Variants in NRG3 observed in about 807,000 individuals in gnomAD.
The protein encoded by NRG3 is pro-neuregulin-3, membrane-bound isoform.
Under a neutral mutation model 66.9 loss-of-function variants are expected in NRG3, and 31 were observed. The ratio of observed to expected loss-of-function variants is 0.46; its 90% CI spans 0.35 to 0.63. The LOEUF (loss-of-function observed/expected upper bound fraction) is 0.63, where lower values mean the gene tolerates loss of function less well. Ranked by LOEUF, NRG3 falls within the 20% of genes least tolerant of loss-of-function variation. The probability of loss-of-function intolerance (pLI) is 0.00; values close to 1 mark genes in which losing one functional copy is unlikely to be tolerated. For synonymous variants in NRG3, 393 were observed against 359.4 expected (o/e 1.09, Z -1.06); for missense variants, 910 against 878.9 (o/e 1.04, Z -0.45).
chr10:82,199,770 C>T (rs528650272), intron 1 of NRG3, among the ~76,000 whole-genome samples: 1 of 152,088 alleles, frequency 6.6e-6, no homozygotes, highest in East Asian at 1.9e-4. Context: ...TTGGTGCCTA[C>T]AATATTAAGT....
rs369548561 is a variant in NRG3, at chr10:82,518,659, C to A, written c.953+159791C>A. 4.6e-5 allele frequency among the ~76,000 whole-genome samples: 7 copies of A among 152,146 alleles called. No homozygotes were observed. In the East Asian group the frequency reaches 7.7e-4, roughly 17 times the overall value. On this transcript the variant is annotated intron_variant, in intron 2 of 8. Transcript: ENST00000372141. ...GATATGTGAAGCAGTTAACATAACT[C>A]ATATTAACACTGGCTGGAGGTTTTA...
chr10:82,473,985 A>C (rs942542807), intron 2 of NRG3, among the ~76,000 whole-genome samples: 3 of 152,118 alleles, frequency 2.0e-5, no homozygotes, highest in Admixed American at 6.5e-5. Context: ...TTTAAAAACT[A>C]TCATGTATAT....
At chr10:82,309,019 G>T (rs1381944891) in intron 1 of NRG3, among the ~76,000 whole-genome samples, 1 of 152,104 alleles carries the variant, frequency 6.6e-6, no homozygotes, top group Admixed American at 6.6e-5. Context: ...ACTGAAATCA[G>T]GTATACTCAT....
intron 4 of NRG3, among the ~76,000 whole-genome samples, chr10:82,892,474 G>T (rs1843241907): frequency 6.6e-6 from 1 of 152,092 alleles, no homozygotes; most frequent in South Asian, 2.1e-4. Context: ...AGACCAGCCT[G>T]AGAAATATAG....
chr10:82,860,428 TA>T (rs1374601153), intron 3 of NRG3, among the ~76,000 whole-genome samples: 4 of 152,188 alleles, frequency 2.6e-5, no homozygotes, highest in Non-Finnish European at 4.4e-5. Flanking sequence ...AGGGGGTAAG[TA>T]AACTTTGAGT....
intron 1 of NRG3, among the ~76,000 whole-genome samples, chr10:81,925,348 G>A (rs571001722): frequency 2.9e-4 from 44 of 152,282 alleles, no homozygotes; most frequent in Non-Finnish European, 5.3e-4. Context: ...CTAGGAAGCA[G>A]AATTCTGATC....
chr10:82,362,548 G>GTTTTTTTTTTTCT (rs2084239637), intron 2 of NRG3, among the ~76,000 whole-genome samples: 1 of 83,186 alleles, frequency 1.2e-5, no homozygotes, highest in African/African-American at 5.0e-5. Context: ...TAATTTCTGG[G>GTTTTTTTTTTTCT]TTTTTTTTTT....
intron 3 of NRG3, among the ~76,000 whole-genome samples, chr10:82,827,332 C>G (rs999556084): frequency 6.6e-6 from 1 of 151,992 alleles, no homozygotes; most frequent in African/African-American, 2.4e-5. Context: ...TGCCTTTGGC[C>G]CATCTGCAGA....
intron 3 of NRG3, chr10:82,843,145 T>C (rs2135765361): frequency 2.5e-6 from 1 of 400,436 alleles, no homozygotes; most frequent in Non-Finnish European, 5.1e-6. Context: ...CTCTGAAACA[T>C]GCTTATTGCA....
rs551617037 is a variant in NRG3, at chr10:82,863,023, C to G, written c.1028-2388C>G. The stretch of plus-strand genomic sequence containing the variant: ...TCTCCCTCCCTTTGCCCCTTACCCC[C>G]CAACAGGCCCCAGTGTGTGATGTTC... On this transcript the variant is annotated intron_variant, in intron 3 of 8. Coordinates refer to ENST00000372141, the MANE Select transcript of NRG3 (RefSeq NM_001010848.4). 3.3e-5 allele frequency among the ~76,000 whole-genome samples: 5 copies of G among 152,200 alleles called. No homozygotes were observed. The East Asian group carries it at 9.7e-4, about 30-fold the overall frequency.
chr10:82,798,862 A>G (rs906819574), intron 3 of NRG3, among the ~76,000 whole-genome samples: 2 of 152,110 alleles, frequency 1.3e-5, no homozygotes, highest in Non-Finnish European at 2.9e-5. Context: ...TCCCACTCCT[A>G]CATCCTTATC....
intron 2 of NRG3, among the ~76,000 whole-genome samples, chr10:82,709,533 C>T (rs1400556530): frequency 6.6e-6 from 1 of 152,084 alleles, no homozygotes; most frequent in African/African-American, 2.4e-5. Flanking sequence ...AAGTGTGCGC[C>T]ACCATCCCCA....
intron 1 of NRG3, among the ~76,000 whole-genome samples, chr10:82,227,508 A>G (rs956210587): frequency 6.6e-6 from 1 of 152,094 alleles, no homozygotes; most frequent in African/African-American, 2.4e-5. Flanking sequence ...TTTTGACCTT[A>G]TATCTAATTT....
Position 82,986,209 on chromosome 10 carries a change from G to T in NRG3, c.*604G>T, listed in dbSNP as rs1853422802. ...ACTCTTGTGTGCCACCTTCCTCTGAGATTTGAATGCACAGATCTCAGCTGG... is the reference window on the plus strand; with the variant it reads ...ACTCTTGTGTGCCACCTTCCTCTGATATTTGAATGCACAGATCTCAGCTGG... On this transcript the variant is annotated 3_prime_UTR_variant, in exon 9 of 9. Transcript: ENST00000372141. 6.6e-6 allele frequency: 1 copy of T among 152,320 alleles called. No homozygotes were observed. Among genetic ancestry groups the T allele is most frequent in the Non-Finnish European group, 1.5e-5 (1 of 68,122 alleles). 9.4% of individuals were successfully genotyped at this position (152,320 alleles called of 1,614,324 possible). A position where few individuals can be genotyped will look rare whatever the true frequency, so the allele number is the denominator to read the frequency against.
At chr10:82,045,155 A>G (rs1383592079) in intron 1 of NRG3, among the ~76,000 whole-genome samples, 1 of 111,074 alleles carries the variant, frequency 9.0e-6, no homozygotes, top group Non-Finnish European at 2.0e-5. Flanking sequence ...GACTTCCACA[A>G]TGGTTGAACT....
rs561414880 is a variant in NRG3 at position 82,477,537 on chromosome 10, G to T, written c.953+118669G>T. ...CATGCCCTTGACCACTTATGCTATA[G>T]AGAGAGAATTAGCTGAGTATAACAC... On this transcript the variant is annotated intron_variant, in intron 2 of 8. Transcript: ENST00000372141. Among the ~76,000 whole-genome samples the T allele has an allele frequency of 5.9e-5, 9 of 152,238 alleles. No homozygotes were observed. In the South Asian group the frequency reaches 1.7e-3, roughly 28 times the overall value.
intron 2 of NRG3, among the ~76,000 whole-genome samples, chr10:82,674,937 A>ATATT (rs57484788): frequency 0.4 from 57,343 of 143,548 alleles, 12,039 homozygotes; most frequent in African/African-American, 0.47. Context: ...GGTTTTATTT[A>ATATT]TATTTATTTA....
intron 2 of NRG3, among the ~76,000 whole-genome samples, chr10:82,569,065 T>C (rs538419097): frequency 1.4e-4 from 22 of 151,868 alleles, no homozygotes; most frequent in African/African-American, 5.1e-4. Context: ...TTAACTCTTA[T>C]TTTGCTGTTA....
intron 4 of NRG3, among the ~76,000 whole-genome samples, chr10:82,899,545 A>C (rs1844006028): frequency 6.6e-6 from 1 of 152,156 alleles, no homozygotes; most frequent in African/African-American, 2.4e-5. Flanking sequence ...CTACCTGTGC[A>C]TTTCTTAGAA....
Sources: gnomAD v4.1 joint callset for allele counts (sites outside exome capture counted in the v4.1 genomes callset) on GRCh38, gnomAD v4.1.1 for gene constraint, MANE v1.5 for transcripts, NCBI Gene and HGNC (gene_info 2026-07-23, HGNC 2026-07-21) for gene names.